PBRM1: variants seen among roughly 807,000 people sequenced by gnomAD.
The protein encoded by PBRM1 is protein polybromo-1.
Under a neutral mutation model 194.5 loss-of-function variants are expected in PBRM1, and 27 were observed. The observed-to-expected ratio is 0.14, with a 90% CI of 0.10 to 0.19. PBRM1 has a LOEUF of 0.19. Ranked by LOEUF, PBRM1 falls within the 10% of genes least tolerant of loss-of-function variation. The probability of loss-of-function intolerance (pLI) is 1.00; values close to 1 mark genes in which losing one functional copy is unlikely to be tolerated. For missense variants in PBRM1, 1,466 were observed against 2,077.2 expected (o/e 0.71, Z 5.72); for synonymous variants, 655 against 693.2 (o/e 0.94, Z 0.87).
intron 16 of PBRM1, among the ~76,000 whole-genome samples, chr3:52,605,501 C>A (rs965727731): frequency 2.0e-5 from 3 of 152,114 alleles, no homozygotes. Flanking sequence ...GAGCATCAAA[C>A]TTCAGAGAGG....
chr3:52,574,788 T>C (rs1475222493), intron 22 of PBRM1, among the ~76,000 whole-genome samples: 6 of 152,234 alleles, frequency 3.9e-5, no homozygotes, highest in Admixed American at 2.6e-4. Context: ...CAGTGAAGAC[T>C]GGGAGTTTTA....
intron 27 of PBRM1, among the ~76,000 whole-genome samples, chr3:52,551,637 T>A (rs2081009675): frequency 6.6e-6 from 1 of 152,194 alleles, no homozygotes; most frequent in South Asian, 2.1e-4. Flanking sequence ...GGGTGCATAT[T>A]TGCTATTCTG....
At chr3:52,644,209 A>G (rs1306892060) in intron 8 of PBRM1, among the ~76,000 whole-genome samples, 1 of 152,080 alleles carries the variant, frequency 6.6e-6, no homozygotes, top group Non-Finnish European at 1.5e-5. Flanking sequence ...AAGTTTTAAA[A>G]AATGTTTCTA....
chr3:52,660,143 A>G (rs192298321), intron 4 of PBRM1, among the ~76,000 whole-genome samples: 4 of 152,102 alleles, frequency 2.6e-5, no homozygotes, highest in Admixed American at 2.0e-4. Context: ...AATGTACAAG[A>G]CCCTCCCAAT....
At chr3:52,636,151 G>A (rs1381814507) in intron 10 of PBRM1, among the ~76,000 whole-genome samples, 2 of 151,708 alleles carry the variant, frequency 1.3e-5, no homozygotes, top group African/African-American at 4.8e-5. Context: ...GATTACAGGC[G>A]TGAGCCACCA....
intron 20 of PBRM1, chr3:52,585,852 A>T (rs2092297829): frequency 6.6e-6 from 1 of 151,962 alleles, no homozygotes; most frequent in Admixed American, 6.6e-5. Context: ...TCGAAGTTTA[A>T]CCCCTTTCTT....
At chr3:52,605,072 T>C (rs2094259939) in intron 16 of PBRM1, among the ~76,000 whole-genome samples, 1 of 152,210 alleles carries the variant, frequency 6.6e-6, no homozygotes, top group African/African-American at 2.4e-5. Context: ...CTAGTACCAC[T>C]GTGGTCTGAG....
At chr3:52,592,476 C>T (rs546891165) in intron 17 of PBRM1, among the ~76,000 whole-genome samples, 3 of 152,298 alleles carry the variant, frequency 2.0e-5, no homozygotes, top group Middle Eastern at 3.4e-3. Context: ...TATTGATTTG[C>T]GTATGCTGAA....
chr3:52,627,217 T>C, intron 13 of PBRM1, 56 bp downstream of exon 14: 1 of 944,630 alleles, frequency 1.1e-6, no homozygotes, highest in Non-Finnish European at 1.7e-6. Context: ...TCTTCACTTA[T>C]CTAAAACAAA....
At chr3:52,550,777 T>C (rs1472358255) in exon 28 of PBRM1, 1 of 1,612,258 alleles carries the variant, frequency 6.2e-7, no homozygotes, top group Non-Finnish European at 8.5e-7. Context: ...CACCTGGTGC[T>C]GGAGTCCCTA....
At chr3:52,608,163 C>A (rs559064367) in intron 16 of PBRM1, among the ~76,000 whole-genome samples, 1 of 152,158 alleles carries the variant, frequency 6.6e-6, no homozygotes, top group African/African-American at 2.4e-5. Context: ...AGACTTCAAG[C>A]TTTTAGAGCA....
At chr3:52,629,856 C>T (rs1182170856) in intron 11 of PBRM1, among the ~76,000 whole-genome samples, 1 of 152,176 alleles carries the variant, frequency 6.6e-6, no homozygotes, top group Non-Finnish European at 1.5e-5. Context: ...TAAACAGCTT[C>T]ACAGAATAAG....
intron 20 of PBRM1, chr3:52,586,073 T>C: frequency 5.9e-6 from 1 of 169,688 alleles, no homozygotes; most frequent in Non-Finnish European, 1.3e-5. Context: ...GTAGCTGGAA[T>C]TACAGGCACG....
chr3:52,664,728 T>C (rs1406524892), intron 3 of PBRM1, among the ~76,000 whole-genome samples: 1 of 146,102 alleles, frequency 6.8e-6, no homozygotes, highest in African/African-American at 2.5e-5. Context: ...AGCCAGACTC[T>C]ATCACAAAAA....
intron 17 of PBRM1, among the ~76,000 whole-genome samples, chr3:52,601,908 T>C (rs759949503): frequency 6.6e-6 from 1 of 152,112 alleles, no homozygotes; most frequent in Non-Finnish European, 1.5e-5. Flanking sequence ...ATAGGTGAGC[T>C]AGTACCCGGA....
chr3:52,584,124 T>C (rs971172364), intron 20 of PBRM1, among the ~76,000 whole-genome samples: 14 of 152,210 alleles, frequency 9.2e-5, no homozygotes, highest in African/African-American at 3.4e-4. Context: ...ATAAGAATGC[T>C]AGAATAATTT....
rs1305373434 is a variant in PBRM1, at chr3:52,666,176, T to C, written c.384+2322A>G. On this transcript the variant is annotated intron_variant, in intron 3 of 29. Transcript: ENST00000296302. ...TGTACCTGCAGTCCTAGCTACCTGGTAGGCTGAGGTGGGATGACTGCTTAA... is the reference window on the plus strand; with the variant it reads ...TGTACCTGCAGTCCTAGCTACCTGGCAGGCTGAGGTGGGATGACTGCTTAA... Among the ~76,000 whole-genome samples the C allele has an allele frequency of 3.3e-5, 5 of 152,138 alleles. No individual in the cohort carries two copies. The East Asian group carries it at 9.6e-4, about 29-fold the overall frequency.
At chr3:52,667,894 TAA>T (rs994498236) in intron 3 of PBRM1, among the ~76,000 whole-genome samples, 2 of 136,008 alleles carry the variant, frequency 1.5e-5, no homozygotes, top group Non-Finnish European at 3.2e-5. Flanking sequence ...ACTCTGTCTC[TAA>T]AAAAAAAAAG....
At chr3:52,564,488 AC>A (rs2084510543) in intron 22 of PBRM1, among the ~76,000 whole-genome samples, 1 of 152,036 alleles carries the variant, frequency 6.6e-6, no homozygotes, top group African/African-American at 2.4e-5. Context: ...ACAAAAAAAT[AC>A]AAAAAATTAG....
Sources: allele counts gnomAD v4.1 joint callset (sites outside exome capture counted in the v4.1 genomes callset), GRCh38; gene constraint gnomAD v4.1.1; transcripts MANE v1.5; gene names NCBI Gene and HGNC (gene_info 2026-07-23, HGNC 2026-07-21).